The following SLC16A12 variants were observed in gnomAD, a reference collection of about 807,000 sequenced individuals.
SLC16A12 encodes the protein monocarboxylate transporter 12.
Under a neutral mutation model 42.4 loss-of-function variants are expected in SLC16A12, and 17 were observed. The ratio of observed to expected loss-of-function variants is 0.40; its 90% confidence interval spans 0.27 to 0.60. The LOEUF (loss-of-function observed/expected upper bound fraction) is 0.60, where lower values mean the gene tolerates loss of function less well. SLC16A12 is among the 20% of genes least tolerant of loss of function. The probability of loss-of-function intolerance (pLI) is 0.42; values close to 1 mark genes in which losing one functional copy is unlikely to be tolerated. For synonymous variants in SLC16A12, 224 were observed against 229.4 expected (o/e 0.98, Z 0.21); for missense variants, 544 against 623.0 (o/e 0.87, Z 1.35).
chr10:89,443,788 T>A lies in SLC16A12; in HGVS notation c.272A>T (p.His91Leu). The A allele has an allele frequency of 6.2e-7, 1 of 1,613,940 alleles. No homozygotes were observed. The highest frequency in any genetic ancestry group is 8.5e-7 in the Non-Finnish European group (1 of 1,179,772). Reference sequence around the variant, plus strand: ...CATGGTCACACAATCTACAATGGAATGGATCCATGCCGTTTGTGCGTAATC... The same window carrying A: ...CATGGTCACACAATCTACAATGGAAAGGATCCATGCCGTTTGTGCGTAATC... ...TQDYAQTAWI[H>L]SIVDCVTMLC... The change falls in exon 4 of 8, where the codon CAT (histidine) becomes CTT (leucine). Residue 91 changes from histidine (H) to leucine (L), a missense_variant. His to Leu is a moderately conservative substitution (Grantham distance 99). Coordinates refer to ENST00000371790, the MANE Select transcript of SLC16A12 (RefSeq NM_213606.4).
chr10:89,524,048 G>A (rs749810019), intron 2 of SLC16A12, among the ~76,000 whole-genome samples: 8 of 152,074 alleles, frequency 5.3e-5, no homozygotes, highest in Admixed American at 1.3e-4. Context: ...GCTTCTTAGC[G>A]GATGATACAA....
upstream of SLC16A12, among the ~76,000 whole-genome samples, chr10:89,537,179 G>A (rs1353750898): frequency 2.2e-5 from 3 of 137,552 alleles, no homozygotes; most frequent in Non-Finnish European, 3.1e-5. Flanking sequence ...AAGGAGTCTC[G>A]TTTTGTTTGT....
At chr10:89,548,269 A>T (rs1056569635) in intron 2 of SLC16A12, among the ~76,000 whole-genome samples, 1 of 152,156 alleles carries the variant, frequency 6.6e-6, no homozygotes, top group Non-Finnish European at 1.5e-5. Flanking sequence ...AGCCAGGAGG[A>T]TGGTGATCAT....
chr10:89,480,535 A>G (rs1217532449), intron 2 of SLC16A12, among the ~76,000 whole-genome samples: 1 of 152,222 alleles, frequency 6.6e-6, no homozygotes, highest in Non-Finnish European at 1.5e-5. Context: ...TCCAAACTAA[A>G]AAGTAAGAGA....
chr10:89,500,826 C>A (rs944126517), intron 2 of SLC16A12, among the ~76,000 whole-genome samples: 12 of 152,120 alleles, frequency 7.9e-5, no homozygotes, highest in Non-Finnish European at 1.6e-4. Context: ...AAAGCACATC[C>A]AAATCAGTGA....
chr10:89,486,606 AGAAAGAAAG>A (rs1245865712), intron 2 of SLC16A12, among the ~76,000 whole-genome samples: 22 of 44,856 alleles, frequency 4.9e-4, no homozygotes, highest in African/African-American at 1.9e-3. Flanking sequence ...AAAAAAAAAA[AGAAAGAAAG>A]AAAGAAAGAA....
chr10:89,504,260 A>G (rs1401406193), intron 2 of SLC16A12, among the ~76,000 whole-genome samples: 1 of 152,230 alleles, frequency 6.6e-6, no homozygotes, highest in Non-Finnish European at 1.5e-5. Flanking sequence ...CCAAAAGGTC[A>G]CTGATCATTG....
rs1213981872 is a variant in SLC16A12, at chr10:89,435,955, C to A, written c.1288+105G>T. 12 of 1,515,120 alleles carry A rather than the reference C, an allele frequency of 7.9e-6. No individual in the cohort carries two copies. In the African/African-American group the frequency reaches 1.2e-4, roughly 16 times the overall value. The allele number at this position is 1,515,120 out of a possible 1,614,324, so 93.9% of individuals were successfully genotyped here. On this transcript the variant is annotated intron_variant, in intron 7 of 7. Transcript: ENST00000371790. ...TATCCCTTTTCTCTTTCACTCTTCC[C>A]CAACTCTCTTGACAGTCCTTCTCAT...
At chr10:89,436,896 GAAAGAAAGAAAGAAAGAA>G (rs1275148777) in intron 6 of SLC16A12, among the ~76,000 whole-genome samples, 6 of 148,778 alleles carry the variant, frequency 4.0e-5, no homozygotes, top group African/African-American at 1.5e-4. Flanking sequence ...AAGAAAGAAA[GAAAGAAAGAAAGAAAGAA>G]AAAGAAAGAG....
chr10:89,480,125 A>G (rs1008247759), intron 2 of SLC16A12, among the ~76,000 whole-genome samples: 2 of 152,176 alleles, frequency 1.3e-5, no homozygotes, highest in East Asian at 3.8e-4. Flanking sequence ...CCCTCTCTCA[A>G]TAATTCCAGG....
At chr10:89,449,125 A>G (rs1842049746) in intron 3 of SLC16A12, among the ~76,000 whole-genome samples, 1 of 152,248 alleles carries the variant, frequency 6.6e-6, no homozygotes, top group African/African-American at 2.4e-5. Flanking sequence ...AACAAATGGA[A>G]TAACATTCCA....
At chr10:89,499,436 C>T (rs1166141566) in intron 2 of SLC16A12, among the ~76,000 whole-genome samples, 1 of 152,058 alleles carries the variant, frequency 6.6e-6, no homozygotes, top group Non-Finnish European at 1.5e-5. Context: ...TGCCTGTAAT[C>T]CCAGCTACTC....
chr10:89,554,119 G>GGAAGGAAA (rs1843792968), intron 2 of SLC16A12, among the ~76,000 whole-genome samples: 1 of 141,504 alleles, frequency 7.1e-6, no homozygotes, highest in African/African-American at 2.7e-5. Context: ...AAGGAAGGAA[G>GGAAGGAAA]GAAGGAAGGA....
chr10:89,469,570 A>G (rs1842461006), intron 2 of SLC16A12, among the ~76,000 whole-genome samples: 1 of 152,150 alleles, frequency 6.6e-6, no homozygotes, highest in Non-Finnish European at 1.5e-5. Context: ...GGCCCCCAAC[A>G]TTGGCTTTCC....
intron 2 of SLC16A12, among the ~76,000 whole-genome samples, chr10:89,540,851 A>G (rs1404024041): frequency 6.6e-6 from 1 of 152,204 alleles, no homozygotes; most frequent in Admixed American, 6.5e-5. Flanking sequence ...ATTTGAAATC[A>G]GAAAACCGAA....
intron 2 of SLC16A12, among the ~76,000 whole-genome samples, chr10:89,533,146 G>T (rs973562959): frequency 8.8e-5 from 12 of 136,192 alleles, no homozygotes; most frequent in South Asian, 2.3e-4. Flanking sequence ...TTGTTTTTTT[G>T]TTGTTGTTGT....
intron 2 of SLC16A12, among the ~76,000 whole-genome samples, chr10:89,513,879 T>C (rs117793321): frequency 0.015 from 2,341 of 152,248 alleles, 25 homozygotes; most frequent in Non-Finnish European, 0.023. Context: ...AGGAGAGGCA[T>C]ATATGGGAAA....
intron 2 of SLC16A12, chr10:89,468,159 A>C (rs2133761389): frequency 1.3e-5 from 2 of 152,354 alleles, no homozygotes; most frequent in Non-Finnish European, 2.9e-5. Flanking sequence ...TGGTGATAGC[A>C]CGATGAACAA....
At chr10:89,494,942 C>T (rs965261353) in intron 2 of SLC16A12, among the ~76,000 whole-genome samples, 4 of 152,074 alleles carry the variant, frequency 2.6e-5, no homozygotes, top group African/African-American at 9.7e-5. Flanking sequence ...GCAGATACAG[C>T]GGAAGTAGCA....
Sources: allele counts gnomAD v4.1 joint callset (sites outside exome capture counted in the v4.1 genomes callset), GRCh38; gene constraint gnomAD v4.1.1; transcripts MANE v1.5; gene names NCBI Gene and HGNC (gene_info 2026-07-23, HGNC 2026-07-21).